The following CDHR3 variants were observed in gnomAD, a reference collection of about 807,000 sequenced individuals.
CDHR3 encodes cadherin-related family member 3.
CDHR3 carries 79 observed loss-of-function variants against 86.6 expected under a neutral mutation model. That is an observed-to-expected ratio of 0.91 (90% CI 0.76 to 1.10). CDHR3 has a LOEUF of 1.10. Among genes scored for constraint, CDHR3 ranks in the 50% least tolerant of loss-of-function variants. CDHR3 has a pLI of 0.00. For synonymous variants in CDHR3, 421 were observed against 402.4 expected (o/e 1.05, Z -0.55); for missense variants, 1,081 against 1,077.6 (o/e 1.00, Z -0.04).
intron 4 of CDHR3, among the ~76,000 whole-genome samples, chr7:105,992,510 G>T (rs1185027834): frequency 2.6e-5 from 4 of 152,204 alleles, no homozygotes; most frequent in Non-Finnish European, 5.9e-5. Context: ...CTGCCAAGGT[G>T]CTTGCACAAT....
At chr7:106,032,327 AGT>A in intron 18 of CDHR3, 64 bp from the exon 19 acceptor site, 1 of 1,450,912 alleles carries the variant, frequency 6.9e-7, no homozygotes, top group South Asian at 1.3e-5. Context: ...GCAGGGTAGA[AGT>A]GGGGGAAGAG....
chr7:106,004,570 C>T lies in CDHR3; in HGVS notation c.935C>T (p.Ser312Phe), dbSNP rs865944672. 1 of 1,613,990 alleles carries T rather than the reference C, an allele frequency of 6.2e-7. No individual in the cohort carries two copies. The highest frequency in any genetic ancestry group is 8.5e-7 in the Non-Finnish European group (1 of 1,179,880). The stretch of plus-strand genomic sequence containing the variant: ...GAATTGAGACAAAATCCCACCATTT[C>T]CCTGGAAGTTCTAGTGAAGGACAGA... ...AGELRQNPTI[S>F]LEVLVKDRPY... is the part of the protein sequence containing the mutation. The change falls in exon 8 of 19, where the codon TCC (serine) becomes TTC (phenylalanine). Residue 312 changes from serine to phenylalanine, a missense_variant. Transcript: ENST00000317716.
At chr7:106,028,964 C>CTTTCTTTCTTTCT (rs1837885158) in intron 17 of CDHR3, among the ~76,000 whole-genome samples, 2 of 147,664 alleles carry the variant, frequency 1.4e-5, no homozygotes, top group Non-Finnish European at 3.0e-5. Context: ...TTCTTTCTTT[C>CTTTCTTTCTTTCT]TTTCTTTCTT....
Position 106,028,587 on chromosome 7 carries a change from G to T in CDHR3, c.2304+5G>T. On this transcript the variant is annotated splice_donor_5th_base_variant and intron_variant, in intron 17 of 18. Coordinates refer to ENST00000317716, the MANE Select transcript of CDHR3 (RefSeq NM_152750.5). Reference sequence around the variant, plus strand: ...GCAGAGAGAGACGTCGTGGTGGTGAGTATGGGCAGTGTGGGGCACCAGGCA... The same window carrying T: ...GCAGAGAGAGACGTCGTGGTGGTGATTATGGGCAGTGTGGGGCACCAGGCA... The T allele has an allele frequency of 1.2e-6, 2 of 1,613,966 alleles. No individual in the cohort carries two copies. Among genetic ancestry groups the T allele is most frequent in the South Asian group, 2.2e-5 (2 of 91,062 alleles).
chr7:106,030,078 A>G lies in CDHR3; in HGVS notation c.2305-714A>G, dbSNP rs146873211. 2.4e-4 allele frequency among the ~76,000 whole-genome samples: 37 copies of G among 152,314 alleles called. 1 individual carries two copies. In the East Asian group the frequency reaches 6.6e-3, roughly 27 times the overall value. ...AAAACTGGAGATTGGAAAGCTTGCT[A>G]AACTCCAAACACAATCCTTGTTACT... is the stretch of plus-strand genomic sequence containing the variant. On this transcript the variant is annotated intron_variant, in intron 17 of 18. Coordinates refer to ENST00000317716, the MANE Select transcript of CDHR3 (RefSeq NM_152750.5). This position sits in a 1 kb window ranked among gnomAD's most constrained non-coding sequence, Gnocchi z 4.8.
Position 106,032,418 on chromosome 7 carries a change from C to A in CDHR3, c.2379C>A (p.Asn793Lys). The change falls in exon 19 of 19, where the codon AAC (asparagine) becomes AAA (lysine). Residue 793 changes from asparagine (N) to lysine (K), a missense_variant. Asn to Lys is a moderately conservative substitution (Grantham distance 94, BLOSUM62 0). Coordinates refer to ENST00000317716, the MANE Select transcript of CDHR3 (RefSeq NM_152750.5). ...DPVTGETYEFNSKTGARKWKD... is the reference protein window; with the variant it reads ...DPVTGETYEFKSKTGARKWKD... ...TGACCGGGGAAACATATGAATTCAA[C>A]TCAAAAACTGGAGCCAGAAAGTGGA... 1 of 1,610,704 alleles carries A rather than the reference C, an allele frequency of 6.2e-7. No homozygotes were observed. The highest frequency in any genetic ancestry group is 2.2e-5 in the East Asian group (1 of 44,768).
At chr7:106,025,654 T>C (rs975979865) in intron 15 of CDHR3, among the ~76,000 whole-genome samples, 3 of 152,204 alleles carry the variant, frequency 2.0e-5, no homozygotes, top group Admixed American at 6.5e-5. Flanking sequence ...TTACGGGTAT[T>C]TTAAATATTA....
Position 105,963,298 on chromosome 7 carries a change from GCA to G in CDHR3, c.-18_-17del. ...GCTGTGGCTAATGTGCTGGAAGCAC[GCA>G]CAGTTGTGACCATCAAGTATGCAGG... On this transcript the variant is annotated 5_prime_UTR_variant, in exon 1 of 19. The change abolishes the stop of an existing upstream ORF in the 5' untranslated region. Transcript: ENST00000317716. The G allele has an allele frequency of 6.2e-7, 1 of 1,613,388 alleles. No individual in the cohort carries two copies. Among genetic ancestry groups the G allele is most frequent in the Non-Finnish European group, 8.5e-7 (1 of 1,179,390 alleles).
intron 5 of CDHR3, 79 bp downstream of exon 5, chr7:105,994,924 A>T: frequency 8.7e-7 from 1 of 1,156,052 alleles, no homozygotes; most frequent in South Asian, 1.3e-5. Flanking sequence ...TCACAGTGCA[A>T]CCTGAGGGCA....
chr7:105,982,531 T>C (rs1829923977), intron 3 of CDHR3, among the ~76,000 whole-genome samples: 1 of 151,448 alleles, frequency 6.6e-6, no homozygotes, highest in Non-Finnish European at 1.5e-5. Context: ...CTACATTCCT[T>C]ACCCTCCTAC....
intron 6 of CDHR3, among the ~76,000 whole-genome samples, chr7:105,998,765 C>A (rs1263760782): frequency 1.3e-5 from 2 of 150,888 alleles, no homozygotes; most frequent in Non-Finnish European, 2.9e-5. Context: ...ACCTGGGCAA[C>A]AAGACCAGAA....
At chr7:106,008,412 G>A (rs957510287) in intron 8 of CDHR3, among the ~76,000 whole-genome samples, 1 of 152,114 alleles carries the variant, frequency 6.6e-6, no homozygotes, top group Admixed American at 6.5e-5. Flanking sequence ...GGTGGTAAGG[G>A]TGCTTCACTC....
chr7:106,027,950 C>A (rs935036035), intron 16 of CDHR3, among the ~76,000 whole-genome samples: 1 of 151,778 alleles, frequency 6.6e-6, no homozygotes, highest in Non-Finnish European at 1.5e-5. Context: ...GATAGTGAAA[C>A]CCTGTCTGTA....
chr7:106,003,690 C>T (rs985032348), intron 7 of CDHR3, among the ~76,000 whole-genome samples: 2 of 152,104 alleles, frequency 1.3e-5, no homozygotes, highest in African/African-American at 2.4e-5. Context: ...CCAAAAAGGA[C>T]GTCCAGCCTT....
In CDHR3 at chr7:106,012,996, T is replaced by A; in HGVS notation, c.1189T>A (p.Phe397Ile). 1 of 1,611,740 alleles carries A rather than the reference T, an allele frequency of 6.2e-7. No individual in the cohort carries two copies. The highest frequency in any genetic ancestry group is 8.5e-7 in the Non-Finnish European group (1 of 1,178,996). ...ATCTGGAGTGGGGAGCGGCAGCAGATTTTTACAGGATCCAGCTGGCTCTGG... is the reference window on the plus strand; with the variant it reads ...ATCTGGAGTGGGGAGCGGCAGCAGAATTTTACAGGATCCAGCTGGCTCTGG... The part of the protein sequence containing the change: ...MPSGVGSGSR[F>I]LQDPAGSGKI... The change falls in exon 9 of 19, where the codon TTT becomes ATT. Residue 397 changes from phenylalanine to isoleucine, a missense_variant. Coordinates refer to ENST00000317716, the MANE Select transcript of CDHR3 (RefSeq NM_152750.5).
At chr7:105,985,275 C>A (rs1242574712) in intron 4 of CDHR3, among the ~76,000 whole-genome samples, 8 of 152,176 alleles carry the variant, frequency 5.3e-5, no homozygotes, top group African/African-American at 1.9e-4. Context: ...GACGCCTCAG[C>A]TCCTGGCTCT....
At chr7:106,013,786 AT>A (rs1257015351) in intron 9 of CDHR3, among the ~76,000 whole-genome samples, 1 of 151,942 alleles carries the variant, frequency 6.6e-6, no homozygotes, top group Non-Finnish European at 1.5e-5. Context: ...AATAATTTCT[AT>A]TTTTTTCTGT....
chr7:106,006,225 C>G (rs1296618780), intron 8 of CDHR3, among the ~76,000 whole-genome samples: 1 of 152,252 alleles, frequency 6.6e-6, no homozygotes, highest in East Asian at 1.9e-4. Context: ...CAGGTCCCTC[C>G]CACAACATGT....
In CDHR3 at chr7:105,981,046, G is replaced by A. The variant is rs899898321; in HGVS notation, c.328G>A (p.Glu110Lys). The A allele has an allele frequency of 1.2e-6, 2 of 1,612,902 alleles. No individual in the cohort carries two copies. Among genetic ancestry groups the A allele is most frequent in the African/African-American group, 2.7e-5 (2 of 74,908 alleles). Residue 110 changes from glutamate to lysine, a missense_variant, in exon 3 of 19, where the codon GAG becomes AAG. Physicochemically the swap from Glu to Lys is moderately conservative, Grantham distance 56 (BLOSUM62 1). Coordinates refer to ENST00000317716, the MANE Select transcript of CDHR3 (RefSeq NM_152750.5). ...TGATTTGCAGATTTATGTGAAGGATGAGGTTGGTGTCACAGACCTGCAAGT... is the reference window on the plus strand; with the variant it reads ...TGATTTGCAGATTTATGTGAAGGATAAGGTTGGTGTCACAGACCTGCAAGT... ...IFDLQIYVKD[E>K]VGVTDLQVLT...
Sources: gnomAD v4.1 joint callset for allele counts (sites outside exome capture counted in the v4.1 genomes callset) on GRCh38, gnomAD v4.1.1 for gene constraint, Gnocchi (gnomAD v3.1) non-coding constraint, MANE v1.5 for transcripts, NCBI Gene and HGNC (gene_info 2026-07-23, HGNC 2026-07-21) for gene names.